Variants in FBXO31 observed in about 807,000 individuals in gnomAD.
FBXO31 encodes F-box protein 31.
A neutral mutation model predicts 54.4 loss-of-function variants in FBXO31; 24 were observed. The ratio of observed to expected loss-of-function variants is 0.44; its 90% CI spans 0.32 to 0.62. FBXO31 has a LOEUF of 0.62. FBXO31 is among the 20% of genes least tolerant of loss of function. The pLI is 0.05. For missense variants in FBXO31, 665 were observed against 787.1 expected (o/e 0.84, Z 1.86); for synonymous variants, 388 against 335.6 (o/e 1.16, Z -1.71).
At chr16:87,371,079 T>C (rs992580059) in intron 1 of FBXO31, among the ~76,000 whole-genome samples, 6 of 152,086 alleles carry the variant, frequency 3.9e-5, no homozygotes, top group African/African-American at 1.4e-4. Context: ...ATGCAGCAGA[T>C]CTGCAAACAC....
intron 5 of FBXO31, among the ~76,000 whole-genome samples, chr16:87,340,169 G>C (rs1191974762): frequency 1.3e-4 from 20 of 152,174 alleles, no homozygotes; most frequent in Admixed American, 1.2e-3. Context: ...TGTAATACCA[G>C]CTACTTGGGA....
At chr16:87,331,748 G>C (rs1418146667) in intron 8 of FBXO31, among the ~76,000 whole-genome samples, 1 of 152,250 alleles carries the variant, frequency 6.6e-6, no homozygotes, top group Non-Finnish European at 1.5e-5. Flanking sequence ...TGGACGCAGA[G>C]GCCAGAGCTC....
rs1005874168 is a variant in FBXO31 at position 87,346,363 on chromosome 16, C to CG, written c.489+810dup. Among the ~76,000 whole-genome samples the CG allele has an allele frequency of 6.6e-6, 1 of 152,046 alleles. No homozygotes were observed. Among genetic ancestry groups the CG allele is most frequent in the Non-Finnish European group, 1.5e-5 (1 of 68,018 alleles). ...CACGCCTGGAGATCAGGAGAAAAGGCGGGGGCTAGACTCGAAAGAAACTTT... is the reference window on the plus strand; with the variant it reads ...CACGCCTGGAGATCAGGAGAAAAGGCGGGGGGCTAGACTCGAAAGAAACTTT... On this transcript the variant is annotated intron_variant, in intron 3 of 8. Transcript: ENST00000311635. The surrounding 1 kb of genome is among the most constrained non-coding windows in gnomAD (Gnocchi z 4.2).
chr16:87,342,717 C>T (rs943340890), intron 5 of FBXO31, among the ~76,000 whole-genome samples, 160 bp downstream of exon 5: 7 of 152,334 alleles, frequency 4.6e-5, no homozygotes, highest in Admixed American at 1.3e-4. Context: ...TCGAGTGTGC[C>T]GGATGCACGG....
intron 5 of FBXO31, among the ~76,000 whole-genome samples, chr16:87,342,203 T>C (rs559550385): frequency 2.6e-5 from 4 of 152,290 alleles, no homozygotes; most frequent in South Asian, 4.1e-4. Context: ...GTAGCTGGCA[T>C]GCCACCATAC....
At position 87,329,137 on chromosome 16, in the gene FBXO31, G is replaced by A. The variant is rs972120357; in HGVS notation, c.*2151C>T. The A allele has an allele frequency of 2.0e-5, 3 of 152,434 alleles. No individual in the cohort carries two copies. Among genetic ancestry groups the A allele is most frequent in the Admixed American group, 6.5e-5 (1 of 15,288 alleles). The allele number at this position is 152,434 out of a possible 1,614,324, so 9.4% of individuals were successfully genotyped here. On this transcript the variant is annotated 3_prime_UTR_variant, in exon 9 of 9. Transcript: ENST00000311635. ...ACCTGTAGTCACGACTGAAGGGACT[G>A]GCTGTGCGGCCAAAAAGGCCTCCCT...
intron 1 of FBXO31, among the ~76,000 whole-genome samples, chr16:87,366,541 G>A (rs1288802346): frequency 6.6e-6 from 1 of 152,132 alleles, no homozygotes. Context: ...GGCAGAGCTG[G>A]GAGGGCAGAG....
upstream of FBXO31, chr16:87,384,186 C>G (rs1567493012): frequency 6.5e-6 from 1 of 152,804 alleles, no homozygotes; most frequent in Non-Finnish European, 1.5e-5. Flanking sequence ...GAAACTGTGC[C>G]GCGCCGGCCG....
rs1452922291 is a variant in FBXO31 at position 87,345,874 on chromosome 16, G to A, written c.489+1300C>T. ...GCTGGAGAGGCACACACGGAGACCA[G>A]GTCTACACAGGAGCCAGGACTACCG... On this transcript the variant is annotated intron_variant, in intron 3 of 8. Transcript: ENST00000311635. The surrounding 1 kb of genome is among the most constrained non-coding windows in gnomAD (Gnocchi z 4.9). 6.6e-6 allele frequency among the ~76,000 whole-genome samples: 1 copy of A among 152,186 alleles called. No individual in the cohort carries two copies. The highest frequency in any genetic ancestry group is 6.5e-5 in the Admixed American group (1 of 15,282).
rs946352771 is a variant in FBXO31, at chr16:87,358,152, G to A, written c.412+2143C>T. On this transcript the variant is annotated intron_variant, in intron 2 of 8. Coordinates refer to ENST00000311635, the MANE Select transcript of FBXO31 (RefSeq NM_024735.5). The surrounding 1 kb of genome is among the most constrained non-coding windows in gnomAD (Gnocchi z 4.0). ...TACATGTGAAAATGTGCATTAAAGT[G>A]ATCTCGACTGGTAGTACCCAGAAAC... 1.3e-5 allele frequency among the ~76,000 whole-genome samples: 2 copies of A among 152,322 alleles called. No individual in the cohort carries two copies. The highest frequency in any genetic ancestry group is 1.3e-4 in the Admixed American group (2 of 15,304).
At chr16:87,368,559 G>A (rs1398270594) in intron 1 of FBXO31, among the ~76,000 whole-genome samples, 2 of 151,978 alleles carry the variant, frequency 1.3e-5, no homozygotes, top group South Asian at 2.1e-4. Context: ...CCAGGCAACA[G>A]GTTCAGTGTT....
intron 2 of FBXO31, among the ~76,000 whole-genome samples, chr16:87,359,534 TATGACCCAA>T (rs1164426216): frequency 2.6e-5 from 4 of 152,180 alleles, no homozygotes; most frequent in African/African-American, 9.7e-5. Flanking sequence ...TTTGAGATGA[TATGACCCAA>T]ATGGCCTAAG....
At chr16:87,365,010 A>ATATATATAT in intron 1 of FBXO31, among the ~76,000 whole-genome samples, 1 of 47,684 alleles carries the variant, frequency 2.1e-5, no homozygotes, top group South Asian at 1.5e-3. Flanking sequence ...CCGTCTCTTA[A>ATATATATAT]ATATATATAT....
Position 87,383,764 on chromosome 16 carries a change from T to C in FBXO31, c.-20A>G, listed in dbSNP as rs994667912. On this transcript the variant is annotated 5_prime_UTR_variant, in exon 1 of 9. Coordinates refer to ENST00000311635, the MANE Select transcript of FBXO31 (RefSeq NM_024735.5). This position sits in a 1 kb window ranked among gnomAD's most constrained non-coding sequence, Gnocchi z 4.9. ...CGCCATGCCGCCCAGTGACGGCCACTGCTGCCGCCTGTGCGCACGCTCCAG... is the reference window on the plus strand; with the variant it reads ...CGCCATGCCGCCCAGTGACGGCCACCGCTGCCGCCTGTGCGCACGCTCCAG... 5.3e-4 allele frequency: 625 copies of C among 1,187,746 alleles called. No individual in the cohort carries two copies. Among genetic ancestry groups the C allele is most frequent in the Middle Eastern group, 2.0e-3 (6 of 2,962 alleles). The allele number at this position is 1,187,746 out of a possible 1,614,324, so 73.6% of individuals were successfully genotyped here. A position where few individuals can be genotyped will look rare whatever the true frequency, so the allele number is the denominator to read the frequency against.
intron 1 of FBXO31, among the ~76,000 whole-genome samples, chr16:87,374,916 C>T (rs189897935): frequency 6.6e-6 from 1 of 152,326 alleles, no homozygotes; most frequent in African/African-American, 2.4e-5. Context: ...GGCGTAATGG[C>T]TCACGCCTGT....
intron 1 of FBXO31, among the ~76,000 whole-genome samples, chr16:87,376,082 C>CCTGCCCTCCA (rs528678089): frequency 6.2e-4 from 94 of 152,200 alleles, no homozygotes; most frequent in African/African-American, 2.2e-3. Context: ...GTGTATTCCC[C>CCTGCCCTCCA]CTGCCCTCCA....
At chr16:87,360,597 A>C (rs972907811) in intron 1 of FBXO31, among the ~76,000 whole-genome samples, 3 of 152,242 alleles carry the variant, frequency 2.0e-5, no homozygotes, top group Non-Finnish European at 2.9e-5. Context: ...ACAAAATAAT[A>C]ATCTGCAATG....
chr16:87,360,194 C>T, intron 2 of FBXO31, 101 bp downstream of exon 2: 1 of 1,152,290 alleles, frequency 8.7e-7, no homozygotes, highest in South Asian at 1.3e-5. Context: ...TCTGAGAAAA[C>T]AAAAGTGTGG....
chr16:87,369,208 C>T (rs1005930521), intron 1 of FBXO31, among the ~76,000 whole-genome samples: 1 of 151,888 alleles, frequency 6.6e-6, no homozygotes, highest in African/African-American at 2.4e-5. Context: ...TAAAAGCTAC[C>T]ATTTTACCCA....
Sources: gnomAD v4.1 joint callset for allele counts (sites outside exome capture counted in the v4.1 genomes callset) on GRCh38, gnomAD v4.1.1 for gene constraint, Gnocchi (gnomAD v3.1) non-coding constraint, MANE v1.5 for transcripts, NCBI Gene and HGNC (gene_info 2026-07-23, HGNC 2026-07-21) for gene names.